The following GPM6A variants were observed in gnomAD, a reference collection of about 807,000 sequenced individuals.
GPM6A encodes the protein neuronal membrane glycoprotein M6-a.
In GPM6A, 7 loss-of-function variants were observed where a neutral mutation model predicts 32.1. That is an observed-to-expected ratio of 0.22 (90% confidence interval 0.12 to 0.41). The LOEUF (loss-of-function observed/expected upper bound fraction) is 0.41. GPM6A is among the 10% of genes least tolerant of loss of function. GPM6A has a pLI of 1.00. For missense variants in GPM6A, 235 were observed against 347.2 expected (o/e 0.68, Z 2.57); for synonymous variants, 130 against 123.4 (o/e 1.05, Z -0.35).
chr4:175,845,646 C>T (rs567218255), intron 1 of GPM6A, among the ~76,000 whole-genome samples: 8 of 152,100 alleles, frequency 5.3e-5, no homozygotes, highest in African/African-American at 1.9e-4. Context: ...CTTTCCTCAC[C>T]AAGAAAATTT....
chr4:175,835,427 A>G (rs1735734486), intron 1 of GPM6A, among the ~76,000 whole-genome samples: 1 of 152,066 alleles, frequency 6.6e-6, no homozygotes, highest in Non-Finnish European at 1.5e-5. Flanking sequence ...TTAAGAAAAC[A>G]TGGATCCCAA....
chr4:175,983,457 C>A (rs929671312), intron 1 of GPM6A, among the ~76,000 whole-genome samples: 1 of 152,172 alleles, frequency 6.6e-6, no homozygotes, highest in Non-Finnish European at 1.5e-5. Flanking sequence ...AGGAAGTTTA[C>A]TTCTATTCCT....
At chr4:175,911,700 A>G (rs1049611255) in intron 1 of GPM6A, among the ~76,000 whole-genome samples, 2 of 152,216 alleles carry the variant, frequency 1.3e-5, no homozygotes, top group Non-Finnish European at 2.9e-5. Flanking sequence ...GAAATTAATT[A>G]GAAGGTTCTT....
chr4:175,786,617 G>C lies in GPM6A; in HGVS notation c.37+25574C>G, dbSNP rs1386906292. Among the ~76,000 whole-genome samples, 3 of 152,120 alleles carry C rather than the reference G, an allele frequency of 2.0e-5. 1 individual carries two copies. Among genetic ancestry groups the C allele is most frequent in the South Asian group, 4.1e-4 (2 of 4,822 alleles). On this transcript the variant is annotated intron_variant, in intron 1 of 6. Transcript: ENST00000393658. ...CTCTTTATCACTCAAGCACATGAAAGCAGCTTGAGTCTAGACGTTCCCTTC... is the reference window on the plus strand; with the variant it reads ...CTCTTTATCACTCAAGCACATGAAACCAGCTTGAGTCTAGACGTTCCCTTC...
intron 3 of GPM6A, among the ~76,000 whole-genome samples, chr4:175,661,811 T>C (rs890243605): frequency 2.0e-5 from 3 of 152,130 alleles, no homozygotes; most frequent in African/African-American, 7.2e-5. Flanking sequence ...AAAATAGCTC[T>C]TAAAATTGAT....
intron 1 of GPM6A, among the ~76,000 whole-genome samples, chr4:175,905,221 G>T (rs896186560): frequency 1.3e-5 from 2 of 152,156 alleles, no homozygotes; most frequent in Admixed American, 1.3e-4. Context: ...GTTTAGTAAG[G>T]TCTGTTATTC....
At chr4:175,880,492 C>A (rs1737236705) in intron 1 of GPM6A, among the ~76,000 whole-genome samples, 1 of 152,174 alleles carries the variant, frequency 6.6e-6, no homozygotes, top group Non-Finnish European at 1.5e-5. Context: ...TGGTCATTTT[C>A]ATGATATTGA....
intron 1 of GPM6A, among the ~76,000 whole-genome samples, chr4:175,829,505 T>C (rs1735539368): frequency 1.3e-5 from 2 of 151,768 alleles, no homozygotes; most frequent in East Asian, 1.9e-4. Context: ...AGTGGTATAG[T>C]TGGATGCCAA....
chr4:175,657,959 TAC>T (rs1742181553), intron 3 of GPM6A, among the ~76,000 whole-genome samples: 1 of 152,192 alleles, frequency 6.6e-6, no homozygotes, highest in Non-Finnish European at 1.5e-5. Flanking sequence ...CTCTGGAAAT[TAC>T]ACAGTGTATA....
intron 1 of GPM6A, among the ~76,000 whole-genome samples, chr4:175,749,855 G>A (rs74357686): frequency 4.9e-4 from 75 of 152,232 alleles, no homozygotes; most frequent in African/African-American, 1.7e-3. Context: ...AGCATGAGTT[G>A]TCAAGAGAAT....
chr4:175,971,270 G>GA (rs146658517), intron 1 of GPM6A, among the ~76,000 whole-genome samples: 9,846 of 131,998 alleles, frequency 0.075, 523 homozygotes, highest in South Asian at 0.19. Flanking sequence ...TATCTTCCGT[G>GA]AAAAAAAAAA....
chr4:175,863,106 C>G (rs1331040994), intron 1 of GPM6A, among the ~76,000 whole-genome samples: 2 of 152,018 alleles, frequency 1.3e-5, no homozygotes, highest in Non-Finnish European at 2.9e-5. Flanking sequence ...ATACAATAAT[C>G]TGCATAAATT....
chr4:175,851,898 C>T (rs1480676549), intron 1 of GPM6A, among the ~76,000 whole-genome samples: 5 of 145,732 alleles, frequency 3.4e-5, no homozygotes, highest in African/African-American at 1.0e-4. Context: ...AGACACATGT[C>T]GGTGGTGCCT....
chr4:175,866,359 A>T (rs949394049), intron 1 of GPM6A, among the ~76,000 whole-genome samples: 7 of 152,168 alleles, frequency 4.6e-5, no homozygotes, highest in Admixed American at 2.0e-4. Context: ...AAATGTATAA[A>T]GACACATACC....
At chr4:175,731,121 T>C (rs3104187) in intron 1 of GPM6A, among the ~76,000 whole-genome samples, 13,102 of 152,190 alleles carry the variant, frequency 0.086, 873 homozygotes, top group East Asian at 0.29. Context: ...GCTTACTTGC[T>C]AATTATAAAA....
chr4:175,862,995 C>T (rs1736619259), intron 1 of GPM6A, among the ~76,000 whole-genome samples: 2 of 151,970 alleles, frequency 1.3e-5, no homozygotes, highest in South Asian at 4.2e-4. Flanking sequence ...CTCTCTACAC[C>T]TCATCTCCTC....
intron 1 of GPM6A, among the ~76,000 whole-genome samples, chr4:175,752,359 G>A (rs1732369051): frequency 6.6e-6 from 1 of 152,076 alleles, no homozygotes; most frequent in African/African-American, 2.4e-5. Flanking sequence ...ACACTAAACA[G>A]TTCCCTGATT....
chr4:175,967,207 T>C (rs77144808), intron 1 of GPM6A, among the ~76,000 whole-genome samples: 6,612 of 152,254 alleles, frequency 0.043, 371 homozygotes, highest in African/African-American at 0.13. Context: ...ATCACGATTA[T>C]GACAACAGAT....
At chr4:175,839,496 A>G (rs945966595) in intron 1 of GPM6A, among the ~76,000 whole-genome samples, 2 of 152,354 alleles carry the variant, frequency 1.3e-5, no homozygotes, top group East Asian at 3.9e-4. Flanking sequence ...AAGACACTTC[A>G]AGAAAATCTA....
Sources: gnomAD v4.1 joint callset for allele counts (sites outside exome capture counted in the v4.1 genomes callset) on GRCh38, gnomAD v4.1.1 for gene constraint, MANE v1.5 for transcripts, NCBI Gene and HGNC (gene_info 2026-07-23, HGNC 2026-07-21) for gene names.